The following PVT1 variants were observed in gnomAD, a reference collection of about 807,000 sequenced individuals.
The protein encoded by PVT1 is CXCR4/PVT1 fusion.
chr8:127,990,627 G>A (rs1563659145), intron 4 of PVT1, among the ~76,000 whole-genome samples: 2 of 152,238 alleles, frequency 1.3e-5, no homozygotes, highest in East Asian at 1.9e-4. Context: ...AGACAGAGAA[G>A]TCAGAACTGA....
intron 2 of PVT1, among the ~76,000 whole-genome samples, chr8:127,846,980 C>CTTTTTTTTTTTTTTTTTTT (rs34437112): frequency 9.6e-5 from 6 of 62,424 alleles, no homozygotes; most frequent in Admixed American, 2.0e-4. Flanking sequence ...TGCACATGGC[C>CTTTTTTTTTTTTTTTTTTT]TTTTTTTTTT....
At chr8:128,015,101 T>G (rs1041152429) in intron 4 of PVT1, among the ~76,000 whole-genome samples, 1 of 151,532 alleles carries the variant, frequency 6.6e-6, no homozygotes, top group Non-Finnish European at 1.5e-5. Context: ...ATTATTTATT[T>G]ATTTTTGAGA....
chr8:127,853,572 G>C (rs1481571362), intron 2 of PVT1, among the ~76,000 whole-genome samples: 1 of 152,096 alleles, frequency 6.6e-6, no homozygotes, highest in East Asian at 1.9e-4. Context: ...CCTGAGGTCA[G>C]GAGTTCGAGA....
intron 3 of PVT1, among the ~76,000 whole-genome samples, chr8:127,925,562 T>C (rs1395446466): frequency 6.6e-6 from 1 of 152,236 alleles, no homozygotes; most frequent in Non-Finnish European, 1.5e-5. Context: ...TTAATTAATT[T>C]ATTGAAAATA....
intron 4 of PVT1, among the ~76,000 whole-genome samples, chr8:128,046,637 C>T (rs1813616662): frequency 6.6e-6 from 1 of 152,240 alleles, no homozygotes; most frequent in African/African-American, 2.4e-5. Flanking sequence ...AGCTCCTTAG[C>T]ACAGCACCTG....
At chr8:127,955,130 G>A (rs557462073) in intron 3 of PVT1, among the ~76,000 whole-genome samples, 2 of 152,274 alleles carry the variant, frequency 1.3e-5, no homozygotes, top group Admixed American at 6.5e-5. Context: ...TAGGCTATTA[G>A]GGTGGGCCCT....
chr8:128,031,126 C>G (rs1813382366), intron 4 of PVT1, among the ~76,000 whole-genome samples: 1 of 152,196 alleles, frequency 6.6e-6, no homozygotes, highest in Non-Finnish European at 1.5e-5. Flanking sequence ...TGTTCCAGGA[C>G]AGATCACAAG....
intron 2 of PVT1, among the ~76,000 whole-genome samples, chr8:127,870,691 C>G (rs1815342162): frequency 6.6e-6 from 1 of 152,192 alleles, no homozygotes; most frequent in South Asian, 2.1e-4. Context: ...CAAACATCCT[C>G]TTCAGCTAGA....
At chr8:128,075,993 T>C (rs1374832365) in intron 5 of PVT1, among the ~76,000 whole-genome samples, 1 of 152,168 alleles carries the variant, frequency 6.6e-6, no homozygotes, top group Non-Finnish European at 1.5e-5. Context: ...AGTAGACAGA[T>C]TATGTAAAAT....
chr8:127,879,801 G>A (rs1289269765), intron 2 of PVT1, among the ~76,000 whole-genome samples: 3 of 152,168 alleles, frequency 2.0e-5, no homozygotes, highest in African/African-American at 4.8e-5. Context: ...TGCCACCTTC[G>A]ACGGACAATG....
chr8:127,875,195 C>T (rs1815392362), intron 2 of PVT1, among the ~76,000 whole-genome samples: 1 of 152,150 alleles, frequency 6.6e-6, no homozygotes, highest in African/African-American at 2.4e-5. Context: ...ACATCGTCCC[C>T]TTCCTCACAG....
chr8:128,030,537 A>G (rs769951051), intron 4 of PVT1, among the ~76,000 whole-genome samples: 1 of 152,228 alleles, frequency 6.6e-6, no homozygotes, highest in Non-Finnish European at 1.5e-5. Context: ...GAGATGCAAC[A>G]TAAGTTCCCC....
At chr8:128,007,644 T>A (rs190831630) in intron 4 of PVT1, among the ~76,000 whole-genome samples, 3 of 152,344 alleles carry the variant, frequency 2.0e-5, no homozygotes, top group Admixed American at 1.3e-4. Context: ...TAACAGACAT[T>A]TCTGGGAAAT....
intron 2 of PVT1, among the ~76,000 whole-genome samples, chr8:127,842,097 T>C (rs1814981277): frequency 6.6e-6 from 1 of 151,234 alleles, no homozygotes; most frequent in South Asian, 2.1e-4. Context: ...TTTTGTTATC[T>C]TATTTTTAAA....
At chr8:128,015,121 A>T (rs1360706006) in intron 4 of PVT1, among the ~76,000 whole-genome samples, 3 of 151,612 alleles carry the variant, frequency 2.0e-5, no homozygotes, top group African/African-American at 7.3e-5. Context: ...ACAGGGTTTC[A>T]CTCTGTTGCC....
chr8:128,037,819 G>T (rs77537484), intron 4 of PVT1, among the ~76,000 whole-genome samples: 2,213 of 152,306 alleles, frequency 0.015, 49 homozygotes, highest in East Asian at 0.063. Context: ...CCTTTCCTGG[G>T]CTTGGTGGGC....
At chr8:127,840,017 A>C (rs1814955316) in intron 2 of PVT1, among the ~76,000 whole-genome samples, 1 of 152,234 alleles carries the variant, frequency 6.6e-6, no homozygotes, top group Admixed American at 6.5e-5. Context: ...TTCTTGGCAC[A>C]GAGCAGACAA....
chr8:127,848,960 G>A (rs1815071178), intron 2 of PVT1, among the ~76,000 whole-genome samples: 2 of 152,200 alleles, frequency 1.3e-5, no homozygotes, highest in African/African-American at 4.8e-5. Context: ...CTGAAGGGAG[G>A]TGGGGTTGGA....
intron 4 of PVT1, among the ~76,000 whole-genome samples, chr8:128,051,124 G>A (rs1358136710): frequency 6.6e-6 from 1 of 152,222 alleles, no homozygotes; most frequent in Non-Finnish European, 1.5e-5. Flanking sequence ...TTCATTGAAC[G>A]AAATTGATTG....
Sources: allele counts gnomAD v4.1 joint callset (sites outside exome capture counted in the v4.1 genomes callset), GRCh38; gene constraint gnomAD v4.1.1; transcripts MANE v1.5; gene names NCBI Gene and HGNC (gene_info 2026-07-23, HGNC 2026-07-21).